The following PDCD6IP variants were observed in gnomAD, a reference collection of about 807,000 sequenced individuals.
The protein encoded by PDCD6IP is programmed cell death 6 interacting protein.
Under a neutral mutation model 103.7 loss-of-function variants are expected in PDCD6IP, and 43 were observed. That is an observed-to-expected ratio of 0.41 (90% CI 0.32 to 0.53). PDCD6IP has a LOEUF of 0.53. PDCD6IP is among the 20% of genes least tolerant of loss of function. The probability of loss-of-function intolerance (pLI) is 0.16; values close to 1 mark genes in which losing one functional copy is unlikely to be tolerated. For synonymous variants in PDCD6IP, 354 were observed against 378.7 expected (o/e 0.93, Z 0.76); for missense variants, 871 against 1,036.7 (o/e 0.84, Z 2.20).
In PDCD6IP at chr3:33,869,629, C is replaced by T. The variant is rs1220674361; in HGVS notation, c.*3104C>T. 6.6e-6 allele frequency: 1 copy of T among 151,958 alleles called. No homozygotes were observed. The highest frequency in any genetic ancestry group is 1.5e-5 in the Non-Finnish European group (1 of 67,980). 9.4% of individuals were successfully genotyped at this position (151,958 alleles called of 1,614,324 possible). Reference sequence around the variant, plus strand: ...TTATATTTTTATTGTATTCATTTATCTTAGGGGGAACATTGTAAAGAAACA... The same window carrying T: ...TTATATTTTTATTGTATTCATTTATTTTAGGGGGAACATTGTAAAGAAACA... On this transcript the variant is annotated 3_prime_UTR_variant, in exon 18 of 18. Coordinates refer to ENST00000307296, the MANE Select transcript of PDCD6IP (RefSeq NM_013374.6).
In PDCD6IP at chr3:33,867,891, C is replaced by T. The variant is rs181096280; in HGVS notation, c.*1366C>T. ...TCATTTTAATGATAGTGTTACTTGT[C>T]CCACTGTTGTTTTCATTGAGTTTGG... On this transcript the variant is annotated 3_prime_UTR_variant, in exon 18 of 18. Coordinates refer to ENST00000307296, the MANE Select transcript of PDCD6IP (RefSeq NM_013374.6). 3.9e-5 allele frequency: 6 copies of T among 152,186 alleles called. No homozygotes were observed. In the East Asian group the frequency reaches 1.2e-3, roughly 29 times the overall value. 9.4% of individuals were successfully genotyped at this position (152,186 alleles called of 1,614,324 possible).
intron 13 of PDCD6IP, 53 bp from the exon 14 acceptor site, chr3:33,853,826 G>A (rs1697770763): frequency 3.9e-6 from 5 of 1,271,448 alleles, no homozygotes; most frequent in Non-Finnish European, 5.2e-6. Flanking sequence ...AATGTTATGA[G>A]CTATATTAAT....
At chr3:33,811,652 G>T (rs1483455097) in intron 1 of PDCD6IP, among the ~76,000 whole-genome samples, 1 of 152,138 alleles carries the variant, frequency 6.6e-6, no homozygotes, top group Non-Finnish European at 1.5e-5. Flanking sequence ...GTGCTGTGTG[G>T]CAGTGCTGGA....
chr3:33,800,495 G>A (rs927066417), intron 1 of PDCD6IP, among the ~76,000 whole-genome samples: 1 of 152,168 alleles, frequency 6.6e-6, no homozygotes, highest in Admixed American at 6.5e-5. Context: ...CTGGGGAAGG[G>A]TTGGTTCTCC....
chr3:33,848,522 A>G (rs1449439382), intron 12 of PDCD6IP, among the ~76,000 whole-genome samples: 1 of 151,786 alleles, frequency 6.6e-6, no homozygotes, highest in Non-Finnish European at 1.5e-5. Context: ...CTCCTGTCTC[A>G]GCCTCCCGAG....
In PDCD6IP at chr3:33,835,937, GA is replaced by G. The variant is rs537404011; in HGVS notation, c.835-106del. On this transcript the variant is annotated intron_variant, in intron 7 of 17. Transcript: ENST00000307296. Reference sequence around the variant, plus strand: ...ACATTGCTGGAAATGCAAGTCTTCAGATTAAAGATTTTTTTTTTGAAACCAA... The same window carrying G: ...ACATTGCTGGAAATGCAAGTCTTCAGTTAAAGATTTTTTTTTTGAAACCAA... 109 of 671,760 alleles carry G rather than the reference GA, an allele frequency of 1.6e-4. No individual in the cohort carries two copies. The African/African-American group carries it at 1.8e-3, about 11-fold the overall frequency. 41.6% of individuals were successfully genotyped at this position (671,760 alleles called of 1,614,324 possible). A position where few individuals can be genotyped will look rare whatever the true frequency, so the allele number is the denominator to read the frequency against.
intron 2 of PDCD6IP, among the ~76,000 whole-genome samples, chr3:33,812,416 G>A (rs938756937): frequency 6.6e-6 from 1 of 152,066 alleles, no homozygotes; most frequent in Non-Finnish European, 1.5e-5. Context: ...CCTTTCCTTT[G>A]ACTTTTTCAG....
At chr3:33,837,011 C>T (rs951523288) in intron 8 of PDCD6IP, among the ~76,000 whole-genome samples, 1 of 151,832 alleles carries the variant, frequency 6.6e-6, no homozygotes, top group Non-Finnish European at 1.5e-5. Context: ...ACCTCTGCCT[C>T]CTGGGTTCAA....
intron 15 of PDCD6IP, among the ~76,000 whole-genome samples, chr3:33,859,034 A>G (rs1697892505): frequency 6.6e-6 from 1 of 152,216 alleles, no homozygotes; most frequent in East Asian, 1.9e-4. Context: ...ACCAGATATT[A>G]AGGTATATAA....
intron 4 of PDCD6IP, 100 bp downstream of exon 4, chr3:33,822,182 A>T (rs771251160): frequency 2.4e-6 from 3 of 1,239,824 alleles, no homozygotes; most frequent in Non-Finnish European, 3.4e-6. Flanking sequence ...TACGCAACAG[A>T]TGTTTTCTAA....
chr3:33,851,688 A>G (rs1697718180), intron 12 of PDCD6IP, among the ~76,000 whole-genome samples: 3 of 151,520 alleles, frequency 2.0e-5, no homozygotes, highest in Non-Finnish European at 2.9e-5. Flanking sequence ...GCCTAGGCTG[A>G]TCTCGAACTC....
At chr3:33,859,489 T>C (rs1363523956) in intron 15 of PDCD6IP, among the ~76,000 whole-genome samples, 1 of 151,830 alleles carries the variant, frequency 6.6e-6, no homozygotes, top group Non-Finnish European at 1.5e-5. Flanking sequence ...CTCCTAGAAG[T>C]GAACGAGAAG....
At chr3:33,810,825 C>T (rs1189728538) in intron 1 of PDCD6IP, among the ~76,000 whole-genome samples, 1 of 151,916 alleles carries the variant, frequency 6.6e-6, no homozygotes, top group Non-Finnish European at 1.5e-5. Context: ...AAAAAAAGTT[C>T]ACATTGATAT....
chr3:33,825,715 C>T (rs1302162223), intron 5 of PDCD6IP, among the ~76,000 whole-genome samples: 2 of 152,046 alleles, frequency 1.3e-5, no homozygotes, highest in Admixed American at 6.6e-5. Flanking sequence ...GTTTTGGCGA[C>T]GGGAGAGATG....
intron 15 of PDCD6IP, among the ~76,000 whole-genome samples, chr3:33,861,353 G>A (rs1246284472): frequency 6.6e-6 from 1 of 152,082 alleles, no homozygotes; most frequent in Non-Finnish European, 1.5e-5. Context: ...ATCTTGGCCA[G>A]ACTGGTCTTG....
intron 8 of PDCD6IP, among the ~76,000 whole-genome samples, chr3:33,836,860 AAAATAAAT>A (rs987454911): frequency 6.6e-6 from 1 of 151,698 alleles, no homozygotes; most frequent in Non-Finnish European, 1.5e-5. Flanking sequence ...TCTTTTCTCA[AAAATAAAT>A]AAATAAATAA....
intron 12 of PDCD6IP, among the ~76,000 whole-genome samples, chr3:33,846,648 G>A (rs1156608334): frequency 3.3e-5 from 5 of 152,162 alleles, no homozygotes; most frequent in Non-Finnish European, 5.9e-5. Context: ...AAAAGTAAAC[G>A]TGTAGGATCG....
At position 33,826,431 on chromosome 3, in the gene PDCD6IP, C is replaced by T. The variant is rs1697125152; in HGVS notation, c.617-49C>T. ...CCTCAGTGTTTATACTGAGACATGT[C>T]AGATTAGCTCATATTTATTTTAATT... is the stretch of plus-strand genomic sequence containing the variant. On this transcript the variant is annotated intron_variant, in intron 5 of 17. Transcript: ENST00000307296. The T allele has an allele frequency of 3.1e-6, 4 of 1,279,504 alleles. No homozygotes were observed. In the Admixed American group the frequency reaches 6.1e-5, roughly 20 times the overall value. The allele number at this position is 1,279,504 out of a possible 1,614,324, so 79.3% of individuals were successfully genotyped here.
Position 33,798,780 on chromosome 3 carries a change from G to A in PDCD6IP, c.52G>A (p.Ala18Thr). The A allele has an allele frequency of 1.3e-6, 2 of 1,573,580 alleles. No homozygotes were observed. Among genetic ancestry groups the A allele is most frequent in the Non-Finnish European group, 8.6e-7 (1 of 1,160,568 alleles). The change falls in exon 1 of 18, where the codon GCC becomes ACC. Residue 18 changes from alanine (A) to threonine (T), a missense_variant. Physicochemically the swap from Ala to Thr is moderately conservative, Grantham distance 58 (BLOSUM62 0). Around this residue, in one of 5 missense-constraint regions of PDCD6IP, gnomAD observed 114 missense variants for 106.7 expected, o/e 1.07. Coordinates refer to ENST00000307296, the MANE Select transcript of PDCD6IP (RefSeq NM_013374.6). ...GAAAAAGACCTCAGAGGTGGACCTG[G>A]CCAAGCCGCTGGTGAAGTTCATCCA... The part of the protein sequence containing the change: ...QLKKTSEVDL[A>T]KPLVKFIQQT...
Sources: allele counts gnomAD v4.1 joint callset (sites outside exome capture counted in the v4.1 genomes callset), GRCh38; gene constraint gnomAD v4.1.1; regional missense constraint gnomAD v4.1.1; transcripts MANE v1.5; gene names NCBI Gene and HGNC (gene_info 2026-07-23, HGNC 2026-07-21).